EPHA7: variants seen among roughly 807,000 people sequenced by gnomAD.
EPHA7 encodes EPH receptor A7.
In EPHA7, 25 loss-of-function variants were observed where a neutral mutation model predicts 112.6. The observed-to-expected ratio is 0.22, with a 90% CI of 0.16 to 0.31. The LOEUF (loss-of-function observed/expected upper bound fraction) is 0.31, where lower values mean the gene tolerates loss of function less well. EPHA7 is among the 10% of genes least tolerant of loss of function. EPHA7 has a pLI of 1.00. For missense variants in EPHA7, 962 were observed against 1,212.6 expected (o/e 0.79, Z 3.07); for synonymous variants, 437 against 406.5 (o/e 1.07, Z -0.90).
At chr6:93,261,773 GT>G (rs1278616254) in intron 9 of EPHA7, among the ~76,000 whole-genome samples, 1 of 151,314 alleles carries the variant, frequency 6.6e-6, no homozygotes, top group Non-Finnish European at 1.5e-5. Flanking sequence ...AGTTTATCTT[GT>G]CTATATTAGC....
In EPHA7 at chr6:93,414,902, T is replaced by C. The variant is rs925131300; in HGVS notation, c.98-135A>G. The C allele has an allele frequency of 7.6e-6, 5 of 659,464 alleles. No individual in the cohort carries two copies. The African/African-American group carries it at 9.1e-5, about 12-fold the overall frequency. 40.9% of individuals were successfully genotyped at this position (659,464 alleles called of 1,614,324 possible). On this transcript the variant is annotated intron_variant, in intron 1 of 16. Coordinates refer to ENST00000369303, the MANE Select transcript of EPHA7 (RefSeq NM_004440.4). ...TGTAGTTATTTATGTAAATCAATGG[T>C]GAAATGAACACCCTCCTGATACATG...
At position 93,290,984 on chromosome 6, in the gene EPHA7, T is replaced by G. The variant is rs1419708314; in HGVS notation, c.1325-18562A>C. ...AACATTGAAATAGATCCCAGTAGTT[T>G]ATGTTGCAAATACTACTCTGTAGAT... On this transcript the variant is annotated intron_variant, in intron 5 of 16. Transcript: ENST00000369303. 2.6e-5 allele frequency among the ~76,000 whole-genome samples: 4 copies of G among 152,364 alleles called. No individual in the cohort carries two copies. The South Asian group carries it at 8.3e-4, about 32-fold the overall frequency.
intron 5 of EPHA7, among the ~76,000 whole-genome samples, chr6:93,336,488 T>C (rs573130207): frequency 3.9e-5 from 6 of 152,222 alleles, no homozygotes; most frequent in East Asian, 1.9e-4. Context: ...CTGTAACCAC[T>C]GCCTCCTGGG....
At chr6:93,334,898 G>T (rs1481363037) in intron 5 of EPHA7, among the ~76,000 whole-genome samples, 1 of 152,016 alleles carries the variant, frequency 6.6e-6, no homozygotes, top group Non-Finnish European at 1.5e-5. Flanking sequence ...TCCAGTATTA[G>T]TATGCATCAC....
rs539204377 is a variant in EPHA7 at position 93,246,690 on chromosome 6, A to C, written c.2726+102T>G. 3.3e-4 allele frequency: 337 copies of C among 1,013,098 alleles called. 1 individual carries two copies. The highest frequency in any genetic ancestry group is 2.0e-3 in the Middle Eastern group (6 of 3,074). The allele number at this position is 1,013,098 out of a possible 1,614,324, so 62.8% of individuals were successfully genotyped here. A position where few individuals can be genotyped will look rare whatever the true frequency, so the allele number is the denominator to read the frequency against. ...TACATTTAATATGAGTTTATACGTC[A>C]ACACAAAAGTCAATTTGCCATTGTG... On this transcript the variant is annotated intron_variant, in intron 15 of 16. Transcript: ENST00000369303.
intron 5 of EPHA7, among the ~76,000 whole-genome samples, chr6:93,311,114 A>ATTTTTTTTTTTTTTTTTTTTTTTTTTTTT (rs71542009): frequency 1.3e-5 from 1 of 78,524 alleles, no homozygotes; most frequent in Non-Finnish European, 2.3e-5. Flanking sequence ...ATGCCCAGCT[A>ATTTTTTTTTTTTTTTTTTTTTTTTTTTTT]TTTTTTTTTT....
At chr6:93,336,622 T>C (rs545204260) in intron 5 of EPHA7, among the ~76,000 whole-genome samples, 16 of 151,990 alleles carry the variant, frequency 1.1e-4, no homozygotes, top group East Asian at 3.9e-4. Context: ...AGGATGGTCT[T>C]GATCTCCTGA....
At chr6:93,403,993 G>C (rs1778563103) in intron 3 of EPHA7, among the ~76,000 whole-genome samples, 1 of 152,034 alleles carries the variant, frequency 6.6e-6, no homozygotes, top group South Asian at 2.1e-4. Context: ...AATATCTATG[G>C]GCATGCTTAA....
In EPHA7 at chr6:93,396,883, T is replaced by A. The variant is rs955447124; in HGVS notation, c.832+13618A>T. ...AATGAAGAATTACTAATTCTAACCA[T>A]GTTAACCCTTTTGTTAGACTGTAGA... On this transcript the variant is annotated intron_variant, in intron 3 of 16. Transcript: ENST00000369303. 2.6e-5 allele frequency among the ~76,000 whole-genome samples: 4 copies of A among 151,826 alleles called. No individual in the cohort carries two copies. In the Admixed American group the frequency reaches 2.6e-4, roughly 10 times the overall value.
intron 3 of EPHA7, among the ~76,000 whole-genome samples, chr6:93,401,407 C>T (rs1267098068): frequency 1.3e-5 from 2 of 151,980 alleles, no homozygotes; most frequent in African/African-American, 2.4e-5. Context: ...AAATAATGTA[C>T]ATTTGTTTCA....
chr6:93,350,371 A>G (rs1031052731), intron 5 of EPHA7, among the ~76,000 whole-genome samples: 28 of 152,142 alleles, frequency 1.8e-4, no homozygotes, highest in African/African-American at 6.3e-4. Context: ...TGCATAAACA[A>G]TAATTTTGAG....
At chr6:93,254,932 C>T (rs541713613) in intron 13 of EPHA7, 136 bp from the exon 14 acceptor site, 32 of 584,052 alleles carry the variant, frequency 5.5e-5, no homozygotes, top group African/African-American at 3.2e-4. Flanking sequence ...AATCTCTATG[C>T]GTATTTAAAG....
chr6:93,336,454 G>C (rs749798468), intron 5 of EPHA7, among the ~76,000 whole-genome samples: 44 of 152,316 alleles, frequency 2.9e-4, no homozygotes, highest in Non-Finnish European at 4.7e-4. Context: ...CCAGGCTGGA[G>C]TGCAGTGGCA....
At chr6:93,399,686 G>A (rs550299487) in intron 3 of EPHA7, among the ~76,000 whole-genome samples, 10 of 152,068 alleles carry the variant, frequency 6.6e-5, no homozygotes, top group South Asian at 2.1e-4. Context: ...GTGTGTGCGC[G>A]TGCACATACA....
In EPHA7 at chr6:93,264,762, A is replaced by G. The variant is rs1269325568; in HGVS notation, c.1634-60T>C. Reference sequence around the variant, plus strand: ...ACACCATGCAAGAACTTGAAAGGTTAAATAAAATTAGAGTTATCTTTTCTA... The same window carrying G: ...ACACCATGCAAGAACTTGAAAGGTTGAATAAAATTAGAGTTATCTTTTCTA... On this transcript the variant is annotated intron_variant, in intron 7 of 16. Transcript: ENST00000369303. 3 of 913,478 alleles carry G rather than the reference A, an allele frequency of 3.3e-6. No individual in the cohort carries two copies. In the East Asian group the frequency reaches 8.5e-5, roughly 26 times the overall value. The allele number at this position is 913,478 out of a possible 1,614,324, so 56.6% of individuals were successfully genotyped here. A position where few individuals can be genotyped will look rare whatever the true frequency, so the allele number is the denominator to read the frequency against.
intron 5 of EPHA7, among the ~76,000 whole-genome samples, chr6:93,277,831 GA>G (rs1352455579): frequency 6.6e-6 from 1 of 151,726 alleles, no homozygotes; most frequent in Admixed American, 6.6e-5. Flanking sequence ...ATTTGACTAA[GA>G]AATAAGGTTT....
chr6:93,353,364 A>C (rs571868059), intron 5 of EPHA7, among the ~76,000 whole-genome samples: 7 of 152,160 alleles, frequency 4.6e-5, no homozygotes, highest in Admixed American at 4.6e-4. Context: ...GAATATTAAA[A>C]TATGCTTTTC....
chr6:93,296,706 A>G lies in EPHA7; in HGVS notation c.1325-24284T>C, dbSNP rs554356993. On this transcript the variant is annotated intron_variant, in intron 5 of 16. Coordinates refer to ENST00000369303, the MANE Select transcript of EPHA7 (RefSeq NM_004440.4). ...CCAGGGATAAGAAGGGGGTGAGGAG[A>G]AAATGGCATGATGCAGGTCAGAGGC... is the stretch of plus-strand genomic sequence containing the variant. Among the ~76,000 whole-genome samples the G allele has an allele frequency of 8.6e-5, 13 of 151,872 alleles. No homozygotes were observed. In the East Asian group the frequency reaches 2.5e-3, roughly 29 times the overall value.
chr6:93,343,800 G>A (rs1775258005), intron 5 of EPHA7, among the ~76,000 whole-genome samples: 1 of 151,638 alleles, frequency 6.6e-6, no homozygotes, highest in Admixed American at 6.6e-5. Flanking sequence ...GCAGTCTAAA[G>A]GAGGTCAGCT....
Sources: allele counts gnomAD v4.1 joint callset (sites outside exome capture counted in the v4.1 genomes callset), GRCh38; gene constraint gnomAD v4.1.1; transcripts MANE v1.5; gene names NCBI Gene and HGNC (gene_info 2026-07-23, HGNC 2026-07-21).